Variants in CDK5RAP1 observed in about 807,000 individuals in gnomAD.
The protein encoded by CDK5RAP1 is mitochondrial tRNA methylthiotransferase CDK5RAP1.
In CDK5RAP1, 62 loss-of-function variants were observed where a neutral mutation model predicts 64.5. The observed-to-expected ratio is 0.96, with a 90% CI of 0.78 to 1.19. The LOEUF is 1.19. Among genes scored for constraint, CDK5RAP1 ranks in the 50% most tolerant of loss-of-function variants. CDK5RAP1 has a pLI of 0.00. For synonymous variants in CDK5RAP1, 250 were observed against 261.9 expected (o/e 0.95, Z 0.44); for missense variants, 657 against 735.0 (o/e 0.89, Z 1.23).
At chr20:33,374,491 C>G (rs928154475) in intron 8 of CDK5RAP1, among the ~76,000 whole-genome samples, 1 of 151,886 alleles carries the variant, frequency 6.6e-6, no homozygotes. Flanking sequence ...ACAGGTAGTG[C>G]TGACACTAGG....
At chr20:33,396,631 G>A (rs1988918359) in intron 2 of CDK5RAP1, 130 bp downstream of exon 2, 1 of 727,550 alleles carries the variant, frequency 1.4e-6, no homozygotes, top group African/African-American at 1.8e-5. Flanking sequence ...ACTTGGTGGA[G>A]TCTAATGATT....
chr20:33,389,297 G>C (rs1353698699), intron 5 of CDK5RAP1, among the ~76,000 whole-genome samples: 1 of 149,688 alleles, frequency 6.7e-6, no homozygotes, highest in Non-Finnish European at 1.5e-5. Flanking sequence ...GAGGTGAGGA[G>C]CGTCTCTGCC....
In CDK5RAP1 at chr20:33,373,715, CAG is replaced by C. The variant is rs201188753; in HGVS notation, c.1205+398_1205+399del. 1.8e-5 allele frequency: 3 copies of C among 168,150 alleles called. No individual in the cohort carries two copies. In the East Asian group the frequency reaches 5.0e-4, roughly 28 times the overall value. The allele number at this position is 168,150 out of a possible 1,614,324, so 10.4% of individuals were successfully genotyped here. A position where few individuals can be genotyped will look rare whatever the true frequency, so the allele number is the denominator to read the frequency against. On this transcript the variant is annotated intron_variant, in intron 9 of 13. Coordinates refer to ENST00000346416, the MANE Select transcript of CDK5RAP1 (RefSeq NM_016408.4). ...TGTTAACATTAAAAAATTAAAATCT[CAG>C]AGTGTGCCACACCATAGGTGCTTAA... is the stretch of plus-strand genomic sequence containing the variant.
At chr20:33,387,864 C>T (rs1987661559) in intron 5 of CDK5RAP1, among the ~76,000 whole-genome samples, 1 of 152,066 alleles carries the variant, frequency 6.6e-6, no homozygotes, top group Non-Finnish European at 1.5e-5. Flanking sequence ...GTTGAGAGTT[C>T]AAGCCCAGCC....
At chr20:33,361,560 A>C (rs1982922787) in intron 12 of CDK5RAP1, among the ~76,000 whole-genome samples, 2 of 152,192 alleles carry the variant, frequency 1.3e-5, no homozygotes, top group Non-Finnish European at 2.9e-5. Flanking sequence ...AAGTTCTTGG[A>C]GGGTGGAAAT....
At chr20:33,366,697 A>G (rs1048043542) in intron 12 of CDK5RAP1, among the ~76,000 whole-genome samples, 162 bp downstream of exon 12, 2 of 152,064 alleles carry the variant, frequency 1.3e-5, no homozygotes, top group Admixed American at 6.6e-5. Flanking sequence ...CTTTGATTTA[A>G]AACATCAGCC....
At chr20:33,362,288 ATAGAG>A (rs1403166114) in intron 12 of CDK5RAP1, among the ~76,000 whole-genome samples, 4 of 152,250 alleles carry the variant, frequency 2.6e-5, no homozygotes, top group African/African-American at 7.2e-5. Flanking sequence ...AGAAAATGGC[ATAGAG>A]TAAAGAAGAA....
rs1333577336 is a variant in CDK5RAP1, at chr20:33,370,514, G to A, written c.1377C>T (p.Ala459=). ...CAGGGCTCACCTGTCTCATGCTGTAGGCAAAGAGGAAGCCCATGTTGTACT... is the reference window on the plus strand; with the variant it reads ...CAGGGCTCACCTGTCTCATGCTGTAAGCAAAGAGGAAGCCCATGTTGTACT... ...EVQYNMGFLF[A]YSMRQKTRAY... The change falls in exon 11 of 14, where the codon GCC becomes GCT. Residue 459 remains alanine (A), a synonymous_variant. Transcript: ENST00000346416. 1 of 1,614,002 alleles carries A rather than the reference G, an allele frequency of 6.2e-7. No homozygotes were observed. Among genetic ancestry groups the A allele is most frequent in the African/African-American group, 1.3e-5 (1 of 74,892 alleles).
intron 13 of CDK5RAP1, 24 bp from the exon 14 acceptor site, chr20:33,359,147 A>G (rs756690799): frequency 6.4e-7 from 1 of 1,557,086 alleles, no homozygotes; most frequent in Non-Finnish European, 8.9e-7. Context: ...AGGCAGAAGA[A>G]GGCAAAATAA....
At chr20:33,399,120 A>C (rs1241847758) in intron 1 of CDK5RAP1, among the ~76,000 whole-genome samples, 1 of 151,964 alleles carries the variant, frequency 6.6e-6, no homozygotes, top group African/African-American at 2.4e-5. Context: ...TCCCAGGAAG[A>C]CTTAGGTGAC....
At chr20:33,401,292 G>A in intron 1 of CDK5RAP1, 136 bp downstream of exon 1, 1 of 630,792 alleles carries the variant, frequency 1.6e-6, no homozygotes, top group Non-Finnish European at 2.0e-6. Flanking sequence ...ACAGCCTGAC[G>A]CCAGGCCCCA....
intron 10 of CDK5RAP1, among the ~76,000 whole-genome samples, 162 bp from the exon 11 acceptor site, chr20:33,370,791 T>C (rs1195106606): frequency 6.6e-6 from 1 of 152,212 alleles, no homozygotes; most frequent in Non-Finnish European, 1.5e-5. Flanking sequence ...GGGATAGGCC[T>C]GTTCACCCAC....
At chr20:33,359,191 C>T (rs1244038862) in intron 13 of CDK5RAP1, 68 bp from the exon 14 acceptor site, 4 of 1,201,744 alleles carry the variant, frequency 3.3e-6, no homozygotes, top group Non-Finnish European at 4.9e-6. Context: ...CATGTGGAGC[C>T]TCTAGAGGAG....
chr20:33,365,334 C>T (rs1330374714), intron 12 of CDK5RAP1, among the ~76,000 whole-genome samples: 3 of 151,768 alleles, frequency 2.0e-5, no homozygotes, highest in African/African-American at 7.3e-5. Flanking sequence ...TGCAATGGCC[C>T]GATCTCAGCT....
chr20:33,368,878 T>TA (rs1023633667), intron 11 of CDK5RAP1, among the ~76,000 whole-genome samples: 2 of 141,652 alleles, frequency 1.4e-5, no homozygotes, highest in African/African-American at 2.6e-5. Context: ...TCTCAAAAAA[T>TA]AAAAAAAAAG....
chr20:33,380,704 T>C (rs1289042279), intron 7 of CDK5RAP1, among the ~76,000 whole-genome samples: 1 of 152,166 alleles, frequency 6.6e-6, no homozygotes. Flanking sequence ...ATTTGTCTGT[T>C]TGAAAATTTA....
intron 2 of CDK5RAP1, among the ~76,000 whole-genome samples, chr20:33,396,518 T>C (rs1288281434): frequency 6.6e-6 from 1 of 152,214 alleles, no homozygotes; most frequent in Non-Finnish European, 1.5e-5. Context: ...CAGACTGTTC[T>C]TGAACTCCTG....
Position 33,359,110 on chromosome 20 carries a change from CT to C in CDK5RAP1, c.1696del (p.Ser566ValfsTer15). ...AACATGTCCCCTAAGTGTCTGAGAA[CT>C]GGCTGAGGTGATCTGAAAGAAAACC... ...DYVLVKITSASSQTLRGHVLC... is the reference protein window; with the variant it reads ...DYVLVKITSAXSQTLRGHVLC... On this transcript the variant is annotated frameshift_variant, in exon 14 of 14. Coordinates refer to ENST00000346416, the MANE Select transcript of CDK5RAP1 (RefSeq NM_016408.4). LOFTEE classifies it high-confidence loss of function. The C allele has an allele frequency of 1.2e-6, 2 of 1,613,576 alleles. No individual in the cohort carries two copies.
Position 33,396,947 on chromosome 20 carries a change from T to G in CDK5RAP1, c.118A>C (p.Met40Leu). The G allele has an allele frequency of 6.2e-7, 1 of 1,614,124 alleles. No homozygotes were observed. The highest frequency in any genetic ancestry group is 8.5e-7 in the Non-Finnish European group (1 of 1,180,004). ...CRAHSSLSST[M>L]CPSPERQEDG... The stretch of plus-strand genomic sequence containing the variant: ...TCCTGCCTCTCTGGACTGGGACACA[T>G]GGTACTAGAGAGACTGCTGTGTGCC... The change falls in exon 2 of 14, where the codon ATG becomes CTG. Residue 40 changes from methionine to leucine, a missense_variant. By Grantham distance (15) the Met-to-Leu change is conservative (BLOSUM62 2). Transcript: ENST00000346416.
Sources: allele counts gnomAD v4.1 joint callset (sites outside exome capture counted in the v4.1 genomes callset), GRCh38; gene constraint gnomAD v4.1.1; transcripts MANE v1.5; gene names NCBI Gene and HGNC (gene_info 2026-07-23, HGNC 2026-07-21).